Variants in KIF6 observed in about 807,000 individuals in gnomAD.
KIF6 encodes kinesin-like protein KIF6.
In KIF6, 106 loss-of-function variants were observed where a neutral mutation model predicts 112.7. That is an observed-to-expected ratio of 0.94 (90% CI 0.80 to 1.11). The LOEUF (loss-of-function observed/expected upper bound fraction) is 1.11. Among genes scored for constraint, KIF6 ranks in the 50% least tolerant of loss-of-function variants. The probability of loss-of-function intolerance (pLI) is 0.00; values close to 1 mark genes in which losing one functional copy is unlikely to be tolerated. For synonymous variants in KIF6, 339 were observed against 339.9 expected, an observed-to-expected ratio of 1.00 and a Z score of 0.03; for missense variants, 929 against 964.0, an observed-to-expected ratio of 0.96 and a Z score of 0.48.
chr6:39,385,698 C>G (rs1253416811), intron 15 of KIF6, 26 bp from the exon 16 acceptor site: 1 of 1,581,650 alleles, frequency 6.3e-7, no homozygotes, highest in Non-Finnish European at 8.7e-7. Context: ...AAGAAAACTA[C>G]CAGTGGGTTT....
At chr6:39,584,811 C>T in intron 9 of KIF6, 87 bp downstream of exon 9, 1 of 777,836 alleles carries the variant, frequency 1.3e-6, no homozygotes, top group Admixed American at 1.9e-5. Context: ...AGAACATTCC[C>T]AGTACAGAGC....
In KIF6 at chr6:39,676,431, C is replaced by G. The variant is rs985657789; in HGVS notation, c.252-36674G>C. ...AGAGTTAATCATTAATAGACCCTCT[C>G]TGAATAAGCCATCAAAGGATGTACT... On this transcript the variant is annotated intron_variant, in intron 3 of 22. Coordinates refer to ENST00000287152, the MANE Select transcript of KIF6 (RefSeq NM_145027.6). Among the ~76,000 whole-genome samples, 3 of 152,112 alleles carry G rather than the reference C, an allele frequency of 2.0e-5. No homozygotes were observed. In the East Asian group the frequency reaches 5.8e-4, roughly 29 times the overall value.
At chr6:39,382,516 C>A (rs557787446) in intron 16 of KIF6, among the ~76,000 whole-genome samples, 1 of 151,876 alleles carries the variant, frequency 6.6e-6, no homozygotes. Context: ...TTTTTATGGC[C>A]GTGTAGTGTT....
intron 10 of KIF6, among the ~76,000 whole-genome samples, chr6:39,564,101 T>C (rs1354825111): frequency 6.6e-6 from 1 of 152,198 alleles, no homozygotes; most frequent in Non-Finnish European, 1.5e-5. Context: ...TCCTGTACTC[T>C]GCCCAACACA....
chr6:39,478,027 T>C (rs1774541084), intron 13 of KIF6, among the ~76,000 whole-genome samples: 1 of 152,168 alleles, frequency 6.6e-6, no homozygotes, highest in Non-Finnish European at 1.5e-5. Flanking sequence ...TTTTATTACA[T>C]GATTTTATTA....
chr6:39,357,717 G>T (rs147164758), intron 18 of KIF6, among the ~76,000 whole-genome samples: 3,918 of 152,224 alleles, frequency 0.026, 181 homozygotes, highest in African/African-American at 0.088. Context: ...CCAAAGTGCT[G>T]GGATTACAGG....
At chr6:39,675,615 TC>T (rs1321159668) in intron 3 of KIF6, among the ~76,000 whole-genome samples, 1 of 3,072 alleles carries the variant, frequency 3.3e-4, no homozygotes, top group African/African-American at 7.5e-4. Flanking sequence ...AGAACACAAT[TC>T]CACCATAAAA....
At chr6:39,519,069 G>T (rs1562281833) in intron 13 of KIF6, among the ~76,000 whole-genome samples, 1 of 152,184 alleles carries the variant, frequency 6.6e-6, no homozygotes, top group African/African-American at 2.4e-5. Flanking sequence ...AGGTGTGGCT[G>T]CATTGAGAAG....
chr6:39,481,743 T>C (rs1562253158), intron 13 of KIF6, among the ~76,000 whole-genome samples: 1 of 152,092 alleles, frequency 6.6e-6, no homozygotes, highest in Non-Finnish European at 1.5e-5. Context: ...TCAGGGTGGG[T>C]TCATCATTGT....
At chr6:39,448,975 C>T (rs1020836183) in intron 13 of KIF6, among the ~76,000 whole-genome samples, 4 of 152,182 alleles carry the variant, frequency 2.6e-5, no homozygotes, top group African/African-American at 9.7e-5. Context: ...GCAAAAAATC[C>T]TAAGATTCTT....
chr6:39,360,341 T>G lies in KIF6; in HGVS notation c.2082+54A>C. On this transcript the variant is annotated intron_variant, in intron 18 of 22. Transcript: ENST00000287152. ...CCACTGTGTCTCTTGACAGCCCCAG[T>G]GGGGCTGCATGACTGGCCCCTCCCC... The G allele has an allele frequency of 1.0e-5, 16 of 1,604,706 alleles. No homozygotes were observed. The South Asian group carries it at 1.8e-4, about 18-fold the overall frequency.
At chr6:39,426,863 G>A (rs564688781) in intron 14 of KIF6, among the ~76,000 whole-genome samples, 1 of 152,310 alleles carries the variant, frequency 6.6e-6, no homozygotes, top group Admixed American at 6.5e-5. Flanking sequence ...AGTCAGAAGA[G>A]ATTGTGGGTC....
At position 39,363,667 on chromosome 6, in the gene KIF6, G is replaced by C. The variant is rs1581680741; in HGVS notation, c.1862-1149C>G. On this transcript the variant is annotated intron_variant, in intron 16 of 22. Transcript: ENST00000287152. The stretch of plus-strand genomic sequence containing the variant: ...CCTGCTTTTTACTCTATGTAGGGAA[G>C]ACTCTGCTACAGTCCATGTGCTTCC... Among the ~76,000 whole-genome samples the C allele has an allele frequency of 2.6e-5, 4 of 152,230 alleles. No homozygotes were observed. In the South Asian group the frequency reaches 8.3e-4, roughly 32 times the overall value.
intron 6 of KIF6, among the ~76,000 whole-genome samples, chr6:39,607,423 G>A (rs1156630295): frequency 6.6e-6 from 1 of 152,064 alleles, no homozygotes; most frequent in African/African-American, 2.4e-5. Flanking sequence ...GAACAAGAAA[G>A]AAATGCTTGT....
At chr6:39,487,954 T>A (rs1171039233) in intron 13 of KIF6, among the ~76,000 whole-genome samples, 1 of 152,050 alleles carries the variant, frequency 6.6e-6, no homozygotes, top group Non-Finnish European at 1.5e-5. Context: ...CAAGATATAG[T>A]CAGGGCACCT....
chr6:39,420,352 C>A (rs1770259902), intron 14 of KIF6, among the ~76,000 whole-genome samples: 1 of 152,118 alleles, frequency 6.6e-6, no homozygotes, highest in Non-Finnish European at 1.5e-5. Context: ...ATCTTATAAC[C>A]AAAGAATATA....
At chr6:39,424,711 G>A (rs1165144157) in intron 14 of KIF6, among the ~76,000 whole-genome samples, 1 of 152,162 alleles carries the variant, frequency 6.6e-6, no homozygotes, top group Non-Finnish European at 1.5e-5. Flanking sequence ...TATGTTTTGT[G>A]TGTCATAAAT....
rs758539698 is a variant in KIF6 at position 39,544,546 on chromosome 6, A to G, written c.1426+9T>C. 6.2e-7 allele frequency: 1 copy of G among 1,610,166 alleles called. No homozygotes were observed. Among genetic ancestry groups the G allele is most frequent in the Non-Finnish European group, 8.5e-7 (1 of 1,178,822 alleles). ...AGAGGAAGTTTCTTCATCACTTCAG[A>G]AAGGATACTGATTTCGTTATCTCTC... is the stretch of plus-strand genomic sequence containing the variant. On this transcript the variant is annotated intron_variant, in intron 12 of 22. Coordinates refer to ENST00000287152, the MANE Select transcript of KIF6 (RefSeq NM_145027.6).
chr6:39,604,984 C>T (rs545086652), intron 6 of KIF6, among the ~76,000 whole-genome samples: 3 of 152,106 alleles, frequency 2.0e-5, no homozygotes, highest in Non-Finnish European at 2.9e-5. Context: ...TAAAGTCAAA[C>T]ACATTTATAT....
Sources: gnomAD v4.1 joint callset for allele counts (sites outside exome capture counted in the v4.1 genomes callset) on GRCh38, gnomAD v4.1.1 for gene constraint, MANE v1.5 for transcripts, NCBI Gene and HGNC (gene_info 2026-07-23, HGNC 2026-07-21) for gene names.